LNX1: variants seen among roughly 807,000 people sequenced by gnomAD.
LNX1 encodes the protein ligand of numb-protein X 1.
Under a neutral mutation model 68.4 loss-of-function variants are expected in LNX1, and 54 were observed. The ratio of observed to expected loss-of-function variants is 0.79; its 90% CI spans 0.63 to 0.99. The LOEUF (loss-of-function observed/expected upper bound fraction) is 0.99, where lower values mean the gene tolerates loss of function less well. Ranked by LOEUF, LNX1 falls within the 50% of genes least tolerant of loss-of-function variation. LNX1 has a pLI of 0.00. For missense variants in LNX1, 906 were observed against 926.4 expected (o/e 0.98, Z 0.29); for synonymous variants, 336 against 350.0 (o/e 0.96, Z 0.45).
At chr4:53,614,598 G>T (rs1435927062) in intron 2 of LNX1, among the ~76,000 whole-genome samples, 1 of 152,170 alleles carries the variant, frequency 6.6e-6, no homozygotes, top group East Asian at 1.9e-4. Context: ...ATGACCAATT[G>T]CTCTTAAGGT....
chr4:53,528,005 A>T (rs537306122), intron 2 of LNX1, among the ~76,000 whole-genome samples: 9 of 152,336 alleles, frequency 5.9e-5, no homozygotes, highest in African/African-American at 1.9e-4. Context: ...TGCCAGGTTA[A>T]TATCTTCTAA....
intron 4 of LNX1, among the ~76,000 whole-genome samples, chr4:53,506,008 A>G (rs1361521679): frequency 6.6e-6 from 1 of 152,236 alleles, no homozygotes; most frequent in African/African-American, 2.4e-5. Flanking sequence ...GCAATCATGA[A>G]TAAGTATACA....
intron 2 of LNX1, among the ~76,000 whole-genome samples, chr4:53,519,355 G>A (rs1727034321): frequency 6.6e-6 from 1 of 152,016 alleles, no homozygotes; most frequent in Admixed American, 6.5e-5. Flanking sequence ...CCCACTGGGT[G>A]GGGAGGTACC....
intron 1 of LNX1, among the ~76,000 whole-genome samples, chr4:53,624,622 C>T (rs1734007107): frequency 6.6e-6 from 1 of 152,150 alleles, no homozygotes; most frequent in African/African-American, 2.4e-5. Context: ...CTTCATGGCC[C>T]TCACTGCCTA....
chr4:53,463,007 G>A (rs1381986170), intron 9 of LNX1, among the ~76,000 whole-genome samples: 2 of 152,072 alleles, frequency 1.3e-5, no homozygotes, highest in Non-Finnish European at 2.9e-5. Flanking sequence ...GGGAGGATGT[G>A]TGCCCAATTT....
chr4:53,580,401 G>A (rs1731760716), intron 1 of LNX1, among the ~76,000 whole-genome samples: 2 of 152,160 alleles, frequency 1.3e-5, no homozygotes, highest in Non-Finnish European at 2.9e-5. Flanking sequence ...CTCCTATAAT[G>A]TATGGGTAGA....
At chr4:53,496,905 T>C (rs1725107864) in intron 5 of LNX1, among the ~76,000 whole-genome samples, 2 of 152,234 alleles carry the variant, frequency 1.3e-5, no homozygotes, top group South Asian at 4.2e-4. Context: ...GTAGATGTGA[T>C]AGTGTGTGAG....
intron 2 of LNX1, among the ~76,000 whole-genome samples, chr4:53,607,435 C>T (rs1733279188): frequency 2.0e-5 from 3 of 152,050 alleles, no homozygotes; most frequent in East Asian, 3.8e-4. Context: ...ATGAGAATTA[C>T]AAAACATTGC....
At chr4:53,622,108 C>A (rs544338754), upstream of LNX1, among the ~76,000 whole-genome samples, 35 of 152,254 alleles carry the variant, frequency 2.3e-4, no homozygotes, top group Non-Finnish European at 4.6e-4. Flanking sequence ...AAGTTATATG[C>A]TTCTCTTATT....
At chr4:53,622,380 C>T (rs1008799025), upstream of LNX1, among the ~76,000 whole-genome samples, 1 of 151,950 alleles carries the variant, frequency 6.6e-6, no homozygotes, top group African/African-American at 2.4e-5. Flanking sequence ...TTTTAATGTC[C>T]CGGTGTCGCA....
chr4:53,497,682 A>T (rs1325552312), intron 5 of LNX1, among the ~76,000 whole-genome samples: 1 of 151,942 alleles, frequency 6.6e-6, no homozygotes, highest in Admixed American at 6.6e-5. Context: ...CAGGCAGCAT[A>T]GTTTCCACTA....
At chr4:53,492,963 G>A (rs57297394) in intron 6 of LNX1, among the ~76,000 whole-genome samples, 64,862 of 151,762 alleles carry the variant, frequency 0.43, 14,940 homozygotes, top group African/African-American at 0.6. Context: ...CACCTCAGAA[G>A]GAAAATGTCT....
At chr4:53,577,690 C>T (rs1731585356) in intron 1 of LNX1, among the ~76,000 whole-genome samples, 3 of 152,104 alleles carry the variant, frequency 2.0e-5, no homozygotes, top group South Asian at 4.2e-4. Context: ...TCTAGGGTTA[C>T]AGATGTGAGC....
upstream of LNX1, chr4:53,592,987 C>T (rs1732583241): frequency 6.6e-6 from 1 of 152,198 alleles, no homozygotes; most frequent in Non-Finnish European, 1.5e-5. Flanking sequence ...CACCTGGGAA[C>T]TCTGTGCCTT....
Position 53,496,335 on chromosome 4 carries a change from C to A in LNX1, c.1038G>T (p.Gln346His), listed in dbSNP as rs375430303. 5.0e-6 allele frequency: 8 copies of A among 1,614,044 alleles called. No individual in the cohort carries two copies. The African/African-American group carries it at 8.0e-5, about 16-fold the overall frequency. Residue 346 changes from glutamine to histidine, a missense_variant, in exon 6 of 11, where the codon CAG (glutamine) becomes CAT (histidine). Transcript: ENST00000263925. ...PHNYAVRLLR[Q>H]PCQVLWLTVM... is the part of the protein sequence containing the mutation. ...CAGTCAGCCACAGCACCTGGCAGGG[C>A]TGCCGCAGGAGACGCACAGCGTAGT...
intron 1 of LNX1, among the ~76,000 whole-genome samples, chr4:53,647,787 G>A (rs748061531): frequency 8.5e-5 from 13 of 152,144 alleles, no homozygotes; most frequent in East Asian, 3.9e-4. Flanking sequence ...CTCAGCCCCC[G>A]GCAACTGCCA....
chr4:53,599,742 A>T (rs1732911569), intron 2 of LNX1, among the ~76,000 whole-genome samples: 1 of 152,226 alleles, frequency 6.6e-6, no homozygotes, highest in African/African-American at 2.4e-5. Flanking sequence ...GAGGAGGCTC[A>T]TGGGAACCAA....
intron 4 of LNX1, among the ~76,000 whole-genome samples, chr4:53,499,570 A>G (rs1299917248): frequency 6.6e-6 from 1 of 152,198 alleles, no homozygotes. Flanking sequence ...CTTCAGCTGA[A>G]GTTTACTGAA....
chr4:53,497,941 C>A (rs980092205), intron 5 of LNX1, among the ~76,000 whole-genome samples: 6 of 152,110 alleles, frequency 3.9e-5, no homozygotes, highest in Non-Finnish European at 5.9e-5. Context: ...AGAAAATATA[C>A]GAGCAGGGAG....
Sources: gnomAD v4.1 joint callset for allele counts (sites outside exome capture counted in the v4.1 genomes callset) on GRCh38, gnomAD v4.1.1 for gene constraint, MANE v1.5 for transcripts, NCBI Gene and HGNC (gene_info 2026-07-23, HGNC 2026-07-21) for gene names.